The following RARB variants were observed in gnomAD, a reference collection of about 807,000 sequenced individuals.
The protein encoded by RARB is HBV-activated protein.
In RARB, 17 loss-of-function variants were observed where a neutral mutation model predicts 51.9. That is an observed-to-expected ratio of 0.33 (90% CI 0.22 to 0.49). The LOEUF is 0.49. Ranked by LOEUF, RARB falls within the 20% of genes least tolerant of loss-of-function variation. The pLI is 0.99. For synonymous variants in RARB, 215 were observed against 195.4 expected (o/e 1.10, Z -0.84); for missense variants, 369 against 550.8 (o/e 0.67, Z 3.30).
At chr3:25,356,295 A>G (rs1209415069) in intron 5 of RARB, among the ~76,000 whole-genome samples, 1 of 152,154 alleles carries the variant, frequency 6.6e-6, no homozygotes, top group African/African-American at 2.4e-5. Context: ...CAGAGTACAA[A>G]AGCTAATTTT....
intron 2 of RARB, among the ~76,000 whole-genome samples, chr3:25,034,749 C>A (rs1026189465): frequency 6.6e-6 from 1 of 152,154 alleles, no homozygotes; most frequent in Non-Finnish European, 1.5e-5. Flanking sequence ...GCTCACAGAA[C>A]GAATGATTTG....
rs1170768239 is a variant in RARB at position 25,551,818 on chromosome 3, G to A, written c.449-17940G>A. On this transcript the variant is annotated intron_variant, in intron 3 of 7. Coordinates refer to ENST00000330688, the MANE Select transcript of RARB (RefSeq NM_000965.5). ...GGATCCCAGGATGCAGATGTCTCAA[G>A]TTGAGTGTTTCTTAGCTTTCTCAAT... 2.6e-5 allele frequency among the ~76,000 whole-genome samples: 4 copies of A among 152,178 alleles called. No homozygotes were observed. The East Asian group carries it at 5.8e-4, about 22-fold the overall frequency.
chr3:24,959,268 C>T (rs558929477), intron 2 of RARB, among the ~76,000 whole-genome samples: 215 of 152,176 alleles, frequency 1.4e-3, no homozygotes, highest in Non-Finnish European at 1.6e-3. Flanking sequence ...CAGGAAAAAT[C>T]AGGTCACATG....
chr3:25,007,857 G>A (rs1415042329), intron 2 of RARB, among the ~76,000 whole-genome samples: 2 of 151,736 alleles, frequency 1.3e-5, no homozygotes, highest in Non-Finnish European at 2.9e-5. Flanking sequence ...CTGGACCTGG[G>A]GTCAGATGAT....
At chr3:25,491,757 A>G (rs1169315102) in intron 2 of RARB, among the ~76,000 whole-genome samples, 1 of 152,160 alleles carries the variant, frequency 6.6e-6, no homozygotes, top group Non-Finnish European at 1.5e-5. Context: ...CCTGGCCAAC[A>G]TGGTGAAACC....
intron 5 of RARB, among the ~76,000 whole-genome samples, chr3:25,237,358 T>G (rs533562562): frequency 6.6e-6 from 1 of 152,204 alleles, no homozygotes; most frequent in Non-Finnish European, 1.5e-5. Flanking sequence ...AATATTCTGC[T>G]TTTTTTCCTA....
intron 3 of RARB, among the ~76,000 whole-genome samples, chr3:25,126,921 A>C (rs1371694757): frequency 6.6e-6 from 1 of 152,096 alleles, no homozygotes; most frequent in Admixed American, 6.6e-5. Context: ...CCTCTCCTTC[A>C]CACACTACAT....
chr3:25,450,213 G>T (rs549369422), intron 1 of RARB, among the ~76,000 whole-genome samples: 4 of 152,194 alleles, frequency 2.6e-5, no homozygotes. Context: ...AGATGGTTCT[G>T]TTGTTTTCTG....
chr3:25,124,525 C>G (rs1029405579), intron 3 of RARB, among the ~76,000 whole-genome samples: 1 of 152,190 alleles, frequency 6.6e-6, no homozygotes, highest in Non-Finnish European at 1.5e-5. Context: ...GCAGGTCCCT[C>G]TTCACACCCT....
At position 25,593,656 on chromosome 3, in the gene RARB, A is replaced by G; in HGVS notation, c.940A>G (p.Met314Val). ...TGCCAACCAGCTCCTGCCTTTGGAA[A>G]TGGATGACACAGAAACAGGCCTTCT... ...TFANQLLPLEMDDTETGLLSA... is the reference protein window; with the variant it reads ...TFANQLLPLEVDDTETGLLSA... The change falls in exon 6 of 8, where the codon ATG becomes GTG. Residue 314 changes from methionine to valine, a missense_variant. By Grantham distance (21) the Met-to-Val change is conservative (BLOSUM62 1). This residue lies in a region of RARB where 76 missense variants were observed against 153.3 expected (regional missense o/e 0.50). Transcript: ENST00000330688. 2 of 1,614,142 alleles carry G rather than the reference A, an allele frequency of 1.2e-6. No homozygotes were observed. The highest frequency in any genetic ancestry group is 1.7e-6 in the Non-Finnish European group (2 of 1,180,004).
intron 3 of RARB, among the ~76,000 whole-genome samples, chr3:25,550,905 C>A (rs1359790508): frequency 6.6e-6 from 1 of 152,106 alleles, no homozygotes; most frequent in East Asian, 1.9e-4. Context: ...CATGTCCCTG[C>A]AAAGGACATG....
chr3:25,142,588 ATT>A (rs34526859), intron 4 of RARB, among the ~76,000 whole-genome samples: 3,621 of 146,088 alleles, frequency 0.025, 147 homozygotes, highest in African/African-American at 0.082. Flanking sequence ...CACTGCCTGT[ATT>A]TTTTTTTTTT....
chr3:25,406,110 C>A (rs1221861109), intron 5 of RARB, among the ~76,000 whole-genome samples: 1 of 152,286 alleles, frequency 6.6e-6, no homozygotes, highest in Non-Finnish European at 1.5e-5. Flanking sequence ...CTCTCCATTC[C>A]CGTGACTCTG....
exon 5 of RARB, chr3:25,174,323 T>C: frequency 8.1e-7 from 1 of 1,239,652 alleles, no homozygotes. Context: ...TGCATTTGCC[T>C]CCCTCACTTT....
chr3:25,395,758 A>T (rs1707096677), intron 5 of RARB, among the ~76,000 whole-genome samples: 1 of 151,108 alleles, frequency 6.6e-6, no homozygotes, highest in Admixed American at 6.6e-5. Context: ...TTTTCCATCC[A>T]TATCTTGTAT....
chr3:24,987,837 G>A (rs1449480591), intron 2 of RARB, among the ~76,000 whole-genome samples: 1 of 152,130 alleles, frequency 6.6e-6, no homozygotes, highest in African/African-American at 2.4e-5. Context: ...GGTCTCAAAT[G>A]TACTTGTGTG....
At chr3:25,458,613 C>T (rs1459826740) in intron 1 of RARB, among the ~76,000 whole-genome samples, 1 of 152,146 alleles carries the variant, frequency 6.6e-6, no homozygotes, top group East Asian at 1.9e-4. Flanking sequence ...ACTGTGCCAA[C>T]TTATTCAAAG....
rs545400351 is a variant in RARB, at chr3:25,382,723, C to T, written c.179-78470C>T. On this transcript the variant is annotated intron_variant, in intron 5 of 11. Transcript: ENST00000383772. The stretch of plus-strand genomic sequence containing the variant: ...ATACAAAAGAATTAGCCGGGTGTGG[C>T]GGTGTGCACCTGTAATCCCAGCTAC... 2.6e-4 allele frequency among the ~76,000 whole-genome samples: 40 copies of T among 152,112 alleles called. 1 individual carries two copies. The highest frequency in any genetic ancestry group is 2.4e-3 in the Admixed American group (36 of 15,276).
chr3:25,579,853 T>A (rs1701096225), intron 4 of RARB, among the ~76,000 whole-genome samples: 1 of 152,054 alleles, frequency 6.6e-6, no homozygotes, highest in Non-Finnish European at 1.5e-5. Context: ...ATTTCATGGG[T>A]GGTGGTGTGT....
Sources: gnomAD v4.1 joint callset for allele counts (sites outside exome capture counted in the v4.1 genomes callset) on GRCh38, gnomAD v4.1.1 for gene constraint, gnomAD v4.1.1 regional missense constraint, MANE v1.5 for transcripts, NCBI Gene and HGNC (gene_info 2026-07-23, HGNC 2026-07-21) for gene names.